AGBL2: variants seen among roughly 807,000 people sequenced by gnomAD.
The protein encoded by AGBL2 is AGBL carboxypeptidase 2.
AGBL2 carries 87 observed loss-of-function variants against 103.0 expected under a neutral mutation model. The observed-to-expected ratio is 0.84, with a 90% CI of 0.71 to 1.01. AGBL2 has a LOEUF of 1.01. AGBL2 is among the 50% of genes least tolerant of loss of function. AGBL2 has a pLI of 0.00. For synonymous variants in AGBL2, 335 were observed against 356.7 expected (o/e 0.94, Z 0.69); for missense variants, 904 against 1,023.5 (o/e 0.88, Z 1.59).
Position 47,660,257 on chromosome 11 carries a change from C to T in AGBL2, c.2625G>A (p.Trp875Ter). ...QEPAPGMKPN[W>*]PRSRYPATKR... ...TTGTGGCAGGATATCTGCTCCTAGGCCAGTTTGGCTTCATACCTGGAGCTG... is the reference window on the plus strand; with the variant it reads ...TTGTGGCAGGATATCTGCTCCTAGGTCAGTTTGGCTTCATACCTGGAGCTG... The change falls in exon 19 of 19, where the codon TGG (tryptophan) becomes TGA (stop). Residue 875 changes from tryptophan (W) to a stop codon, truncating the protein, a stop_gained. Coordinates refer to ENST00000525123, the MANE Select transcript of AGBL2 (RefSeq NM_024783.4). LOFTEE classifies it low-confidence loss of function (END_TRUNC). 6.2e-7 allele frequency: 1 copy of T among 1,614,204 alleles called. No homozygotes were observed. The highest frequency in any genetic ancestry group is 8.5e-7 in the Non-Finnish European group (1 of 1,180,032).
At chr11:47,677,191 A>G (rs1158530593) in intron 14 of AGBL2, 80 bp downstream of exon 14, 7 of 1,197,806 alleles carry the variant, frequency 5.8e-6, no homozygotes, top group South Asian at 2.2e-5. Flanking sequence ...TATTTTTTGT[A>G]GAGACAACAT....
intron 14 of AGBL2, among the ~76,000 whole-genome samples, chr11:47,669,910 AC>A (rs915207629): frequency 4.8e-4 from 73 of 152,238 alleles, no homozygotes; most frequent in African/African-American, 1.7e-3. Context: ...TGTACCCGGT[AC>A]CCAAAAAAGA....
intron 1 of AGBL2, 26 bp from the exon 2 acceptor site, chr11:47,714,776 A>G (rs2097545367): frequency 2.0e-6 from 2 of 996,564 alleles, no homozygotes; most frequent in Admixed American, 3.6e-5. Context: ...AGGACAAGTG[A>G]AAAAACTGCC....
intron 8 of AGBL2, among the ~76,000 whole-genome samples, chr11:47,695,545 T>TG (rs2097465787): frequency 7.4e-6 from 1 of 134,548 alleles, no homozygotes; most frequent in African/African-American, 2.8e-5. Flanking sequence ...GAGGTTGAAG[T>TG]GGGTAGATTG....
intron 8 of AGBL2, 107 bp from the exon 9 acceptor site, chr11:47,692,363 G>A: frequency 2.3e-6 from 1 of 440,896 alleles, no homozygotes; most frequent in Non-Finnish European, 3.7e-6. Flanking sequence ...GACCAACAAT[G>A]AAATTTCTAA....
At position 47,705,854 on chromosome 11, in the gene AGBL2, C is replaced by G. The variant is rs753830400; in HGVS notation, c.286+10G>C. ...GCTTGAATCTTCTGGTCTGGAAGGA[C>G]ATGAAATACCTCTGTTGATGGCTTC... On this transcript the variant is annotated intron_variant, in intron 5 of 18. Transcript: ENST00000525123. The G allele has an allele frequency of 6.8e-6, 11 of 1,613,378 alleles. No homozygotes were observed. Among genetic ancestry groups the G allele is most frequent in the Non-Finnish European group, 9.3e-6 (11 of 1,179,416 alleles).
chr11:47,675,375 G>GTTTT (rs34044161), intron 14 of AGBL2, among the ~76,000 whole-genome samples: 13 of 55,100 alleles, frequency 2.4e-4, no homozygotes, highest in Admixed American at 3.4e-4. Flanking sequence ...CCCCTGCTAA[G>GTTTT]TTTTTTTTTT....
intron 4 of AGBL2, among the ~76,000 whole-genome samples, chr11:47,707,566 C>A (rs1216182764): frequency 1.3e-5 from 2 of 152,106 alleles, no homozygotes; most frequent in African/African-American, 4.8e-5. Flanking sequence ...CCCCATGATT[C>A]AATTACCTCC....
chr11:47,662,623 G>A (rs1210257264), intron 18 of AGBL2, among the ~76,000 whole-genome samples: 1 of 151,862 alleles, frequency 6.6e-6, no homozygotes, highest in Non-Finnish European at 1.5e-5. Flanking sequence ...CTCTCCAGTA[G>A]CTGGGATTAC....
At chr11:47,689,305 T>A (rs2097435841) in intron 10 of AGBL2, among the ~76,000 whole-genome samples, 2 of 148,208 alleles carry the variant, frequency 1.3e-5, no homozygotes, top group Non-Finnish European at 3.0e-5. Flanking sequence ...CTTCTCAATT[T>A]TTTTTTTTTT....
rs371686577 is a variant in AGBL2, at chr11:47,706,620, C to G, written c.233-703G>C. On this transcript the variant is annotated intron_variant, in intron 4 of 18. Transcript: ENST00000525123. ...GAGAGGTGGCGTGTGCCTATAGTCC[C>G]ACCTAGTCCAGAGGCTGCAGGGTAG... 2.8e-3 allele frequency among the ~76,000 whole-genome samples: 421 copies of G among 152,204 alleles called. 1 individual carries two copies. The highest frequency in any genetic ancestry group is 9.7e-3 in the African/African-American group (405 of 41,546).
intron 8 of AGBL2, among the ~76,000 whole-genome samples, chr11:47,694,091 G>A (rs1348168171): frequency 6.6e-6 from 1 of 152,056 alleles, no homozygotes; most frequent in Non-Finnish European, 1.5e-5. Flanking sequence ...CCAGCTACTC[G>A]GGATGCTGAG....
At chr11:47,680,207 T>C in intron 12 of AGBL2, 134 bp from the exon 13 acceptor site, 1 of 527,530 alleles carries the variant, frequency 1.9e-6, no homozygotes, top group South Asian at 2.1e-5. Flanking sequence ...ATCCCAGCAC[T>C]TTGGGAGGCC....
intron 13 of AGBL2, among the ~76,000 whole-genome samples, chr11:47,678,335 A>ATTTTTTTTTTTTTTTTTTTTT (rs771416947): frequency 7.4e-5 from 5 of 67,816 alleles, no homozygotes; most frequent in South Asian, 1.2e-3. Context: ...ATTTTATTTT[A>ATTTTTTTTTTTTTTTTTTTTT]TTATTTTATT....
chr11:47,710,907 C>A, intron 3 of AGBL2: 2 of 267,946 alleles, frequency 7.5e-6, no homozygotes, highest in Admixed American at 6.1e-5. Flanking sequence ...GAGATCCTGT[C>A]TCAAAAAAAA....
In AGBL2 at chr11:47,690,725, G is replaced by A; in HGVS notation, c.982C>T (p.Pro328Ser). Residue 328 changes from proline (P) to serine (S), a missense_variant, in exon 10 of 19, where the codon CCC becomes TCC. Coordinates refer to ENST00000525123, the MANE Select transcript of AGBL2 (RefSeq NM_024783.4). The part of the protein sequence containing the change: ...YRFTIVNLLK[P>S]KSLYTVGMKP... ...ATCCCTACAGTATAAAGACTCTTGG[G>A]TTTTAGCAAGTTGACAATGGTGAAG... is the stretch of plus-strand genomic sequence containing the variant. 3 of 1,614,124 alleles carry A rather than the reference G, an allele frequency of 1.9e-6. No homozygotes were observed. Among genetic ancestry groups the A allele is most frequent in the Non-Finnish European group, 2.5e-6 (3 of 1,180,026 alleles).
chr11:47,699,305 C>T (rs1225325981), intron 8 of AGBL2, 141 bp downstream of exon 8: 6 of 475,502 alleles, frequency 1.3e-5, no homozygotes, highest in Non-Finnish European at 2.2e-5. Flanking sequence ...TATGACTCCT[C>T]CTCCAGGCTC....
In AGBL2 at chr11:47,659,631, CA is replaced by C. The variant is rs2097323506; in HGVS notation, c.*541del. ...TTTAATCATCAGCCTAAAAAAATTA[CA>C]AAACCTCATTGAACATAAGGTACGC... On this transcript the variant is annotated 3_prime_UTR_variant, in exon 19 of 19. Transcript: ENST00000525123. The C allele has an allele frequency of 6.6e-6, 1 of 152,118 alleles. No homozygotes were observed. The highest frequency in any genetic ancestry group is 6.6e-5 in the Admixed American group (1 of 15,260). The allele number at this position is 152,118 out of a possible 1,614,324, so 9.4% of individuals were successfully genotyped here.
chr11:47,673,663 C>A (rs987413578), intron 14 of AGBL2, among the ~76,000 whole-genome samples: 2 of 147,664 alleles, frequency 1.4e-5, no homozygotes. Context: ...TGGTGGTGGG[C>A]GCCTGTAATA....
Sources: allele counts gnomAD v4.1 joint callset (sites outside exome capture counted in the v4.1 genomes callset), GRCh38; gene constraint gnomAD v4.1.1; transcripts MANE v1.5; gene names NCBI Gene and HGNC (gene_info 2026-07-23, HGNC 2026-07-21).